Variants in NPHP4 observed in about 807,000 individuals in gnomAD.
NPHP4 encodes nephrocystin-4.
Under a neutral mutation model 155.8 loss-of-function variants are expected in NPHP4, and 151 were observed. That is an observed-to-expected ratio of 0.97 (90% CI 0.85 to 1.11). NPHP4 has a LOEUF of 1.11. Among genes scored for constraint, NPHP4 ranks in the 50% least tolerant of loss-of-function variants. The pLI, the probability that NPHP4 is intolerant of heterozygous loss-of-function variation, is 0.00. For synonymous variants in NPHP4, 845 were observed against 816.8 expected (o/e 1.03, Z -0.59); for missense variants, 1,956 against 1,925.7 (o/e 1.02, Z -0.29).
intron 5 of NPHP4, among the ~76,000 whole-genome samples, chr1:5,964,941 A>ATATATATATATATATATT: frequency 3.4e-5 from 2 of 59,412 alleles, no homozygotes; most frequent in Non-Finnish European, 5.7e-5. Context: ...ATATATATAT[A>ATATATATATATATATATT]TTTTTTTTTT....
intron 9 of NPHP4, among the ~76,000 whole-genome samples, chr1:5,938,354 C>A (rs1310968089): frequency 6.6e-6 from 1 of 152,244 alleles, no homozygotes; most frequent in African/African-American, 2.4e-5. Context: ...GGTGCCTCTA[C>A]CTCCTGGCTG....
At chr1:5,953,352 C>T (rs1648560176) in intron 6 of NPHP4, among the ~76,000 whole-genome samples, 1 of 152,194 alleles carries the variant, frequency 6.6e-6, no homozygotes, top group Non-Finnish European at 1.5e-5. Flanking sequence ...GATCCGCCTA[C>T]CTCGGCCTCC....
chr1:5,967,811 G>C (rs1651810878), intron 4 of NPHP4, among the ~76,000 whole-genome samples: 1 of 152,092 alleles, frequency 6.6e-6, no homozygotes, highest in South Asian at 2.1e-4. Flanking sequence ...CTGGCATCTA[G>C]TGCGTTGCCA....
chr1:5,980,854 G>A (rs34501422), intron 2 of NPHP4, among the ~76,000 whole-genome samples: 21,346 of 151,746 alleles, frequency 0.14, 1,662 homozygotes, highest in Non-Finnish European at 0.18. Context: ...ACCACGCACC[G>A]GGGCCTGGCC....
intron 16 of NPHP4, among the ~76,000 whole-genome samples, chr1:5,897,936 A>C (rs967096635): frequency 6.6e-6 from 1 of 152,238 alleles, no homozygotes; most frequent in Non-Finnish European, 1.5e-5. Context: ...GTTCCAAAAC[A>C]TGGCACGGTT....
At chr1:5,953,660 A>T (rs1261499940) in intron 6 of NPHP4, among the ~76,000 whole-genome samples, 2 of 152,236 alleles carry the variant, frequency 1.3e-5, no homozygotes, top group Non-Finnish European at 2.9e-5. Context: ...CATCCAGAGG[A>T]CAGTGGCCCC....
At chr1:5,942,530 C>CAAAAA (rs71568632) in intron 9 of NPHP4, among the ~76,000 whole-genome samples, 1 of 19,738 alleles carries the variant, frequency 5.1e-5, no homozygotes, top group Non-Finnish European at 1.0e-4. Context: ...GACTCCATCT[C>CAAAAA]AAAAAAAAAA....
At position 5,877,294 on chromosome 1, in the gene NPHP4, T is replaced by C; in HGVS notation, c.2616A>G (p.Lys872=). The C allele has an allele frequency of 6.3e-7, 1 of 1,590,128 alleles. No individual in the cohort carries two copies. Among genetic ancestry groups the C allele is most frequent in the East Asian group, 2.3e-5 (1 of 44,132 alleles). ...CCAGCTTCTGTGCTTGCACCACGTGTTTTCCTGCGAAAGGGTCAGAGCGCG... is the reference window on the plus strand; with the variant it reads ...CCAGCTTCTGTGCTTGCACCACGTGCTTTCCTGCGAAAGGGTCAGAGCGCG... ...SLLTTGSSRR[K]HVVQAQKLAD... Residue 872 remains lysine (K), a synonymous_variant, in exon 20 of 30, where the codon AAA becomes AAG. Coordinates refer to ENST00000378156, the MANE Select transcript of NPHP4 (RefSeq NM_015102.5).
intron 8 of NPHP4, 64 bp from the exon 9 acceptor site, chr1:5,947,294 G>A (rs1020879589): frequency 1.1e-5 from 17 of 1,574,178 alleles, no homozygotes; most frequent in African/African-American, 4.0e-5. Flanking sequence ...CCGCATCCAC[G>A]TCGACCACTG....
chr1:5,867,281 G>C lies in NPHP4; in HGVS notation c.3473-166C>G. ...CCACCTTTCCCAGGACAGCATCCAA[G>C]CACTGTGTTCCCTGCATGGACACCG... On this transcript the variant is annotated intron_variant, in intron 24 of 29. Transcript: ENST00000378156. This position sits in a 1 kb window ranked among gnomAD's most constrained non-coding sequence, Gnocchi z 4.1. The C allele has an allele frequency of 1.6e-6, 1 of 610,416 alleles. No homozygotes were observed. The highest frequency in any genetic ancestry group is 2.9e-6 in the Non-Finnish European group (1 of 341,474). The allele number at this position is 610,416 out of a possible 1,614,324, so 37.8% of individuals were successfully genotyped here. A position where few individuals can be genotyped will look rare whatever the true frequency, so the allele number is the denominator to read the frequency against.
At chr1:5,904,499 T>G (rs1644819615) in intron 16 of NPHP4, 118 bp downstream of exon 16, 1 of 769,062 alleles carries the variant, frequency 1.3e-6, no homozygotes. Flanking sequence ...CACCGTATGA[T>G]TCTAATGTTG....
chr1:5,877,369 G>A (rs1402202070), intron 19 of NPHP4, 71 bp from the exon 20 acceptor site: 2 of 1,345,626 alleles, frequency 1.5e-6, no homozygotes, highest in Non-Finnish European at 2.0e-6. Context: ...CACCAGGGCA[G>A]GCCTCCCAGG....
rs1644887165 is a variant in NPHP4 at position 5,905,777 on chromosome 1, ACTCCTGCTGAACAAAACGAGGG to A, written c.1612-16_1617del. The A allele has an allele frequency of 6.2e-7, 1 of 1,605,896 alleles. No homozygotes were observed. The highest frequency in any genetic ancestry group is 8.5e-7 in the Non-Finnish European group (1 of 1,176,124). On this transcript the variant is annotated splice_acceptor_variant and splice_polypyrimidine_tract_variant and coding_sequence_variant and intron_variant, in exon 14 of 30. Transcript: ENST00000378156. LOFTEE classifies it high-confidence loss of function. This position sits in a 1 kb window ranked among gnomAD's most constrained non-coding sequence, Gnocchi z 4.0. ...TGGGAGATACCGGCCTCCAACGGGA[ACTCCTGCTGAACAAAACGAGGG>A]CTTCCAAGTGAGGCCACCAAGGACC...
At chr1:5,940,170 A>G (rs12734220) in intron 9 of NPHP4, among the ~76,000 whole-genome samples, 28,160 of 152,094 alleles carry the variant, frequency 0.19, 2,795 homozygotes, top group African/African-American at 0.26. Flanking sequence ...TGGGAGGTGG[A>G]GCCTCATGAG....
In NPHP4 at chr1:5,967,304, G is replaced by A. The variant is rs763307389; in HGVS notation, c.512C>T (p.Ala171Val). 16 of 1,602,776 alleles carry A rather than the reference G, an allele frequency of 1.0e-5. No homozygotes were observed. In the Admixed American group the frequency reaches 2.6e-4, roughly 26 times the overall value. ...ALLHPLLQDPAEQNRHMTLIE... is the reference protein window; with the variant it reads ...ALLHPLLQDPVEQNRHMTLIE... Reference sequence around the variant, plus strand: ...AGGCCAGGTCTGGCTCTTACGCTCTGCGGGGTCCTGGAGAAGCGGGTGCAG... The same window carrying A: ...AGGCCAGGTCTGGCTCTTACGCTCTACGGGGTCCTGGAGAAGCGGGTGCAG... The change falls in exon 5 of 30, where the codon GCA (alanine) becomes GTA (valine). Residue 171 changes from alanine (A) to valine (V), a missense_variant. Transcript: ENST00000378156.
rs1257152837 is a variant in NPHP4, at chr1:5,865,218, G to A, written c.3700C>T (p.Gln1234Ter). ...QTWQVYLHSL[Q>*]RVDVSCVAGQ... The stretch of plus-strand genomic sequence containing the variant: ...GCGACGCAGGAGACATCCACGCGCT[G>A]CAGGGAGTGGAGGTAGACCTGCCAC... Residue 1234 changes from glutamine (Q) to a stop codon, truncating the protein, a stop_gained, in exon 27 of 30, where the codon CAG (glutamine) becomes TAG (stop). Coordinates refer to ENST00000378156, the MANE Select transcript of NPHP4 (RefSeq NM_015102.5). LOFTEE classifies it high-confidence loss of function. 15 of 1,603,954 alleles carry A rather than the reference G, an allele frequency of 9.4e-6. No homozygotes were observed. The highest frequency in any genetic ancestry group is 1.3e-5 in the Non-Finnish European group (15 of 1,173,974).
At chr1:5,987,098 C>T (rs1190483122) in intron 1 of NPHP4, among the ~76,000 whole-genome samples, 2 of 151,968 alleles carry the variant, frequency 1.3e-5, no homozygotes, top group African/African-American at 2.4e-5. Flanking sequence ...GGTCACCCCA[C>T]GACACTTCAG....
chr1:5,916,482 T>C (rs1645478427), intron 11 of NPHP4, among the ~76,000 whole-genome samples: 1 of 152,210 alleles, frequency 6.6e-6, no homozygotes, highest in African/African-American at 2.4e-5. Context: ...GTGACATGAA[T>C]GCAGCCATAA....
intron 5 of NPHP4, among the ~76,000 whole-genome samples, chr1:5,965,085 G>A (rs768955148): frequency 3.3e-5 from 5 of 150,376 alleles, no homozygotes; most frequent in East Asian, 1.9e-4. Flanking sequence ...GGGGCGCACC[G>A]CCATACCCAG....
Sources: allele counts gnomAD v4.1 joint callset (sites outside exome capture counted in the v4.1 genomes callset), GRCh38; gene constraint gnomAD v4.1.1; non-coding constraint Gnocchi (gnomAD v3.1); transcripts MANE v1.5; gene names NCBI Gene and HGNC (gene_info 2026-07-23, HGNC 2026-07-21).